PPM1D: variants seen among roughly 807,000 people sequenced by gnomAD.
PPM1D encodes protein phosphatase, Mg2+/Mn2+ dependent 1D.
A neutral mutation model predicts 58.3 loss-of-function variants in PPM1D; 52 were observed. The ratio of observed to expected loss-of-function variants is 0.89; its 90% CI spans 0.71 to 1.12. The LOEUF (loss-of-function observed/expected upper bound fraction) is 1.12. Among genes scored for constraint, PPM1D ranks in the 50% most tolerant of loss-of-function variants. PPM1D has a pLI of 0.00. For missense variants in PPM1D, 564 were observed against 777.2 expected (o/e 0.73, Z 3.26); for synonymous variants, 278 against 285.1 (o/e 0.98, Z 0.25).
Position 60,648,067 on chromosome 17 carries a change from G to GA in PPM1D, c.1008dup (p.Tyr337IlefsTer5). The GA allele has an allele frequency of 6.2e-7, 1 of 1,604,100 alleles. No homozygotes were observed. Among genetic ancestry groups the GA allele is most frequent in the Non-Finnish European group, 8.5e-7 (1 of 1,176,996 alleles). On this transcript the variant is annotated frameshift_variant, in exon 4 of 6. Coordinates refer to ENST00000305921, the MANE Select transcript of PPM1D (RefSeq NM_003620.4). LOFTEE classifies it high-confidence loss of function. ...TCTCAATGTGCCAGGACCAAGAGGAGAAAAAATACCTGATGGTGAGATGTG... is the reference window on the plus strand; with the variant it reads ...TCTCAATGTGCCAGGACCAAGAGGAGAAAAAAATACCTGATGGTGAGATGTG...
At chr17:60,631,498 G>A (rs1453817461) in intron 2 of PPM1D, among the ~76,000 whole-genome samples, 1 of 151,792 alleles carries the variant, frequency 6.6e-6, no homozygotes, top group African/African-American at 2.4e-5. Flanking sequence ...AATTAGCCGG[G>A]CATTGTGGCG....
chr17:60,648,573 TG>T (rs911307195), intron 4 of PPM1D, among the ~76,000 whole-genome samples: 6 of 151,728 alleles, frequency 4.0e-5, no homozygotes, highest in African/African-American at 1.4e-4. Context: ...TTAGTAGAGG[TG>T]GGGTTTCACC....
chr17:60,605,904 CATAAATAA>C (rs1033808118), intron 1 of PPM1D, among the ~76,000 whole-genome samples: 1 of 152,246 alleles, frequency 6.6e-6, no homozygotes, highest in Non-Finnish European at 1.5e-5. Flanking sequence ...GACTCTGTCT[CATAAATAA>C]ATAAATAAAA....
chr17:60,649,239 T>C (rs1301208651), intron 4 of PPM1D, among the ~76,000 whole-genome samples: 1 of 152,094 alleles, frequency 6.6e-6, no homozygotes, highest in Non-Finnish European at 1.5e-5. Flanking sequence ...AACATTTTCA[T>C]CATCATCCCC....
chr17:60,655,910 C>G (rs1284901687), intron 4 of PPM1D, among the ~76,000 whole-genome samples: 1 of 149,220 alleles, frequency 6.7e-6, no homozygotes, highest in Non-Finnish European at 1.5e-5. Context: ...ACCATGTTAG[C>G]GAGGATGGTC....
intron 1 of PPM1D, among the ~76,000 whole-genome samples, chr17:60,614,464 T>A (rs7223431): frequency 0.041 from 6,266 of 152,240 alleles, 352 homozygotes; most frequent in African/African-American, 0.13. Flanking sequence ...AACGGACCAA[T>A]CAGTTCTCTG....
chr17:60,654,153 T>C (rs142865585), intron 4 of PPM1D, among the ~76,000 whole-genome samples: 2,594 of 152,148 alleles, frequency 0.017, 42 homozygotes, highest in Non-Finnish European at 0.027. Context: ...TCAGTATTGA[T>C]GTTGGCTGTG....
intron 5 of PPM1D, chr17:60,662,285 G>A (rs564082766): frequency 6.6e-6 from 1 of 152,204 alleles, no homozygotes; most frequent in African/African-American, 2.4e-5. Flanking sequence ...GGGTTAGCCA[G>A]TGTGCCCGGC....
chr17:60,618,895 TGGTG>T (rs2030639319), intron 1 of PPM1D, among the ~76,000 whole-genome samples: 1 of 152,234 alleles, frequency 6.6e-6, no homozygotes, highest in African/African-American at 2.4e-5. Flanking sequence ...TACCTTTTTT[TGGTG>T]GTGAGAACAC....
Position 60,663,654 on chromosome 17 carries a change from A to G in PPM1D, c.*102A>G. 8.0e-7 allele frequency: 1 copy of G among 1,250,530 alleles called. No homozygotes were observed. Among genetic ancestry groups the G allele is most frequent in the African/African-American group, 1.5e-5 (1 of 65,818 alleles). 77.5% of individuals were successfully genotyped at this position (1,250,530 alleles called of 1,614,324 possible). A position where few individuals can be genotyped will look rare whatever the true frequency, so the allele number is the denominator to read the frequency against. On this transcript the variant is annotated 3_prime_UTR_variant, in exon 6 of 6. Transcript: ENST00000305921. Reference sequence around the variant, plus strand: ...TTTTTTAAGGGGAGAAAATTAAAAGAAATATACAGTTTGACTTTTTGGAAT... The same window carrying G: ...TTTTTTAAGGGGAGAAAATTAAAAGGAATATACAGTTTGACTTTTTGGAAT...
chr17:60,626,615 T>C (rs937213641), intron 2 of PPM1D, among the ~76,000 whole-genome samples: 10 of 151,998 alleles, frequency 6.6e-5, no homozygotes, highest in African/African-American at 2.2e-4. Flanking sequence ...AGGATGGTCT[T>C]GATCTCCTGA....
At chr17:60,652,550 GTTTTTTTTTTT>G (rs776162517) in intron 4 of PPM1D, among the ~76,000 whole-genome samples, 11 of 67,628 alleles carry the variant, frequency 1.6e-4, no homozygotes, top group Non-Finnish European at 3.0e-4. Flanking sequence ...GTTTACTTCT[GTTTTTTTTTTT>G]TTTTTTTTTT....
At position 60,633,345 on chromosome 17, in the gene PPM1D, A is replaced by G. The variant is rs114061282; in HGVS notation, c.702-508A>G. On this transcript the variant is annotated intron_variant, in intron 2 of 5. Transcript: ENST00000305921. The stretch of plus-strand genomic sequence containing the variant: ...TTCTGCTGTTTCGCCCGTCCTCAAC[A>G]TAAACACTCAGAACCCTATAACCTT... Among the ~76,000 whole-genome samples, 566 of 152,296 alleles carry G rather than the reference A, an allele frequency of 3.7e-3. 2 individuals carry two copies. Among genetic ancestry groups the G allele is most frequent in the African/African-American group, 0.013 (536 of 41,562 alleles).
chr17:60,656,452 CAAAAAAAAAAAAAGAGAAAAG>C, intron 4 of PPM1D, 126 bp from the exon 5 acceptor site: 1 of 812,046 alleles, frequency 1.2e-6, no homozygotes, highest in East Asian at 3.5e-5. Context: ...GACTCTGTCT[CAAAAAAAAAAAAAGAGAAAAG>C]AAAAAAAAAA....
intron 4 of PPM1D, among the ~76,000 whole-genome samples, chr17:60,654,275 CT>C (rs1358841557): frequency 6.4e-4 from 89 of 138,096 alleles, no homozygotes; most frequent in Admixed American, 7.9e-4. Flanking sequence ...AAATAATATG[CT>C]TTTTTTTTTT....
intron 5 of PPM1D, 149 bp from the exon 6 acceptor site, chr17:60,662,846 T>C: frequency 1.5e-6 from 1 of 679,228 alleles, no homozygotes; most frequent in Non-Finnish European, 2.5e-6. Flanking sequence ...TAACACATAG[T>C]TCAGTAAATA....
chr17:60,641,013 C>T (rs2031123035), intron 3 of PPM1D, among the ~76,000 whole-genome samples: 1 of 151,732 alleles, frequency 6.6e-6, no homozygotes, highest in African/African-American at 2.4e-5. Context: ...TTGATGGGCA[C>T]CTAAGTAGAT....
chr17:60,663,822 G>C lies in PPM1D; in HGVS notation c.*270G>C. The stretch of plus-strand genomic sequence containing the variant: ...TGAATACACAGTATTCAGAGTCTCT[G>C]ATACACAGTAATTGTGACAATAGGG... On this transcript the variant is annotated 3_prime_UTR_variant, in exon 6 of 6. Transcript: ENST00000305921. The C allele has an allele frequency of 3.0e-6, 1 of 331,428 alleles. No homozygotes were observed. The highest frequency in any genetic ancestry group is 5.6e-6 in the Non-Finnish European group (1 of 179,658). 20.5% of individuals were successfully genotyped at this position (331,428 alleles called of 1,614,324 possible).
At chr17:60,644,330 T>G (rs1281599608) in intron 3 of PPM1D, among the ~76,000 whole-genome samples, 1 of 151,966 alleles carries the variant, frequency 6.6e-6, no homozygotes, top group Non-Finnish European at 1.5e-5. Flanking sequence ...AAGATGGGGT[T>G]TCACTGTGTT....
Sources: allele counts gnomAD v4.1 joint callset (sites outside exome capture counted in the v4.1 genomes callset), GRCh38; gene constraint gnomAD v4.1.1; transcripts MANE v1.5; gene names NCBI Gene and HGNC (gene_info 2026-07-23, HGNC 2026-07-21).